Variants in TRPC4 observed in about 807,000 individuals in gnomAD.
TRPC4 encodes short transient receptor potential channel 4.
Under a neutral mutation model 99.4 loss-of-function variants are expected in TRPC4, and 49 were observed. That is an observed-to-expected ratio of 0.49 (90% CI 0.39 to 0.63). The LOEUF (loss-of-function observed/expected upper bound fraction) is 0.63, where lower values mean the gene tolerates loss of function less well. Ranked by LOEUF, TRPC4 falls within the 20% of genes least tolerant of loss-of-function variation. The pLI, the probability that TRPC4 is intolerant of heterozygous loss-of-function variation, is 0.00. For missense variants in TRPC4, 898 were observed against 1,152.9 expected, an observed-to-expected ratio of 0.78 and a Z score of 3.20; for synonymous variants, 454 against 425.9, an observed-to-expected ratio of 1.07 and a Z score of -0.81.
At chr13:37,644,841 C>A (rs1248290133) in intron 8 of TRPC4, among the ~76,000 whole-genome samples, 1 of 130,952 alleles carries the variant, frequency 7.6e-6, no homozygotes, top group African/African-American at 2.9e-5. Flanking sequence ...CCACTGCACT[C>A]CAGCCTGGGC....
At chr13:37,789,625 T>C (rs1957060075) in intron 1 of TRPC4, among the ~76,000 whole-genome samples, 1 of 152,188 alleles carries the variant, frequency 6.6e-6, no homozygotes, top group South Asian at 2.1e-4. Flanking sequence ...TAAAATTGTT[T>C]TAGCAATTCC....
chr13:37,674,582 C>T (rs534319818), intron 4 of TRPC4, among the ~76,000 whole-genome samples: 1 of 152,264 alleles, frequency 6.6e-6, no homozygotes, highest in Non-Finnish European at 1.5e-5. Flanking sequence ...GTTAGGACAG[C>T]CTCACTTTCT....
Position 37,665,064 on chromosome 13 carries a change from T to C in TRPC4, c.1375-1335A>G, listed in dbSNP as rs1012726751. Among the ~76,000 whole-genome samples the C allele has an allele frequency of 5.3e-5, 8 of 152,082 alleles. No homozygotes were observed. In the East Asian group the frequency reaches 1.5e-3, roughly 29 times the overall value. On this transcript the variant is annotated intron_variant, in intron 5 of 10. Coordinates refer to ENST00000379705, the MANE Select transcript of TRPC4 (RefSeq NM_016179.4). ...ATTACTGAAGATATAAAAAAAAAAG[T>C]TAAGATGTTTTTCTCTTTCATTATG...
At chr13:37,768,663 A>AACACACACAC (rs375944847) in intron 2 of TRPC4, among the ~76,000 whole-genome samples, 47 of 142,760 alleles carry the variant, frequency 3.3e-4, no homozygotes, top group Non-Finnish European at 5.7e-4. Flanking sequence ...CACACATACG[A>AACACACACAC]ACACACACGC....
intron 3 of TRPC4, among the ~76,000 whole-genome samples, chr13:37,716,776 G>T (rs1048321629): frequency 9.2e-5 from 14 of 152,018 alleles, no homozygotes; most frequent in African/African-American, 3.4e-4. Flanking sequence ...GTCTCAACGA[G>T]CATGGTATTT....
chr13:37,660,218 G>A (rs969549670), intron 6 of TRPC4, among the ~76,000 whole-genome samples: 1 of 152,146 alleles, frequency 6.6e-6, no homozygotes, highest in Non-Finnish European at 1.5e-5. Context: ...AGTGAGAAAG[G>A]CTAGAGAAGT....
At chr13:37,737,322 C>A (rs1955429064) in intron 3 of TRPC4, among the ~76,000 whole-genome samples, 1 of 151,912 alleles carries the variant, frequency 6.6e-6, no homozygotes, top group African/African-American at 2.4e-5. Context: ...TCTGTACTTG[C>A]ATTATTACAT....
chr13:37,794,135 T>C (rs1957191023), intron 1 of TRPC4, among the ~76,000 whole-genome samples: 1 of 152,042 alleles, frequency 6.6e-6, no homozygotes, highest in Admixed American at 6.6e-5. Flanking sequence ...TCTGTAACAA[T>C]GAAAAAACTT....
intron 1 of TRPC4, among the ~76,000 whole-genome samples, chr13:37,829,071 A>G (rs1958333101): frequency 6.6e-6 from 1 of 152,246 alleles, no homozygotes; most frequent in Non-Finnish European, 1.5e-5. Context: ...GATTTCTTAC[A>G]TATGACAATA....
chr13:37,740,999 T>C (rs535612909), intron 3 of TRPC4, among the ~76,000 whole-genome samples: 2 of 152,300 alleles, frequency 1.3e-5, no homozygotes, highest in East Asian at 3.9e-4. Context: ...TAAGCTAATG[T>C]TGCAAAGCTG....
chr13:37,826,408 G>C (rs1269968534), intron 1 of TRPC4, among the ~76,000 whole-genome samples: 3 of 129,208 alleles, frequency 2.3e-5, no homozygotes, highest in Non-Finnish European at 4.9e-5. Context: ...GCAGCGGCTG[G>C]TACCGGTTGT....
chr13:37,658,931 G>C (rs1398080119), intron 6 of TRPC4, among the ~76,000 whole-genome samples: 1 of 151,958 alleles, frequency 6.6e-6, no homozygotes, highest in Non-Finnish European at 1.5e-5. Context: ...ATCTGAGGTA[G>C]GATTTGGAAA....
At chr13:37,810,850 C>T (rs1957664405) in intron 1 of TRPC4, among the ~76,000 whole-genome samples, 1 of 152,098 alleles carries the variant, frequency 6.6e-6, no homozygotes, top group African/African-American at 2.4e-5. Flanking sequence ...AAAGCATAAA[C>T]ATATTACTCT....
intron 3 of TRPC4, among the ~76,000 whole-genome samples, chr13:37,707,326 G>C (rs1358252392): frequency 6.6e-6 from 1 of 152,074 alleles, no homozygotes. Flanking sequence ...TATGTTTTGA[G>C]TAGGAAACTT....
intron 1 of TRPC4, among the ~76,000 whole-genome samples, chr13:37,842,394 G>A (rs1566216125): frequency 6.8e-6 from 1 of 146,800 alleles, no homozygotes. Context: ...TATAAATCGG[G>A]GGCAGATCTT....
intron 2 of TRPC4, among the ~76,000 whole-genome samples, chr13:37,766,839 T>A (rs1956387229): frequency 6.6e-6 from 1 of 151,406 alleles, no homozygotes. Flanking sequence ...TAAGTGACCT[T>A]AATATGATGA....
chr13:37,745,717 G>A (rs1955755415), intron 3 of TRPC4, among the ~76,000 whole-genome samples: 1 of 151,590 alleles, frequency 6.6e-6, no homozygotes, highest in Non-Finnish European at 1.5e-5. Flanking sequence ...CAGTCAATGT[G>A]TACATTTTAA....
intron 1 of TRPC4, among the ~76,000 whole-genome samples, chr13:37,788,962 T>C (rs562951970): frequency 6.6e-6 from 1 of 152,224 alleles, no homozygotes; most frequent in African/African-American, 2.4e-5. Flanking sequence ...CACTAAAATG[T>C]TGATGTTCAT....
intron 8 of TRPC4, 106 bp downstream of exon 8, chr13:37,651,159 A>C (rs1158349247): frequency 7.4e-5 from 92 of 1,242,060 alleles, no homozygotes; most frequent in Non-Finnish European, 1.0e-4. Flanking sequence ...ACATGCAATC[A>C]GTAAGAACAA....
Sources: gnomAD v4.1 joint callset for allele counts (sites outside exome capture counted in the v4.1 genomes callset) on GRCh38, gnomAD v4.1.1 for gene constraint, MANE v1.5 for transcripts, NCBI Gene and HGNC (gene_info 2026-07-23, HGNC 2026-07-21) for gene names.